CA8: variants seen among roughly 807,000 people sequenced by gnomAD.
The protein encoded by CA8 is carbonic anhydrase-related protein.
A neutral mutation model predicts 41.4 loss-of-function variants in CA8; 22 were observed. The ratio of observed to expected loss-of-function variants is 0.53; its 90% CI spans 0.38 to 0.76. The LOEUF is 0.76. Ranked by LOEUF, CA8 falls within the 30% of genes least tolerant of loss-of-function variation. The pLI is 0.00. For synonymous variants in CA8, 121 were observed against 130.6 expected (o/e 0.93, Z 0.50); for missense variants, 270 against 352.8 (o/e 0.77, Z 1.88).
At chr8:60,265,047 C>A (rs1449003042) in intron 3 of CA8, 1 of 152,040 alleles carries the variant, frequency 6.6e-6, no homozygotes, top group African/African-American at 2.4e-5. Flanking sequence ...TTACATGACA[C>A]CAAAGGGCTA....
At position 60,185,687 on chromosome 8, in the gene CA8, G is replaced by T. The variant is rs1450840484; in HGVS notation, c.*4334C>A. Among the ~76,000 whole-genome samples, 1 of 152,006 alleles carries T rather than the reference G, an allele frequency of 6.6e-6. No individual in the cohort carries two copies. Among genetic ancestry groups the T allele is most frequent in the African/African-American group, 2.4e-5 (1 of 41,400 alleles). ...CAGAAACAGAAACTTTTCACCAGGA[G>T]TTTTATATTTAGCAAAACTATCTCA... is the stretch of plus-strand genomic sequence containing the variant. On this transcript the variant is annotated 3_prime_UTR_variant, in exon 9 of 9. Coordinates refer to ENST00000317995, the MANE Select transcript of CA8 (RefSeq NM_004056.6).
chr8:60,245,419 G>A (rs1808194039), intron 3 of CA8, among the ~76,000 whole-genome samples: 1 of 152,062 alleles, frequency 6.6e-6, no homozygotes, highest in Non-Finnish European at 1.5e-5. Context: ...TATAAGTTTT[G>A]TAATTTACTT....
intron 3 of CA8, among the ~76,000 whole-genome samples, chr8:60,246,288 G>GC (rs386412868): frequency 6.6e-6 from 1 of 151,818 alleles, no homozygotes; most frequent in Non-Finnish European, 1.5e-5. Flanking sequence ...TTCTGGGGGG[G>GC]GTTGAGTTTG....
intron 8 of CA8, among the ~76,000 whole-genome samples, chr8:60,201,715 A>G (rs1236838364): frequency 1.3e-5 from 2 of 152,172 alleles, no homozygotes; most frequent in Non-Finnish European, 2.9e-5. Context: ...TCCAAGATAA[A>G]TATGACGTTC....
intron 7 of CA8, among the ~76,000 whole-genome samples, chr8:60,217,592 A>G (rs1177116770): frequency 6.6e-6 from 1 of 152,148 alleles, no homozygotes; most frequent in Non-Finnish European, 1.5e-5. Context: ...CCACCTGTAT[A>G]CCATACCCCT....
chr8:60,261,828 C>T (rs1326387756), intron 3 of CA8, among the ~76,000 whole-genome samples: 4 of 152,158 alleles, frequency 2.6e-5, no homozygotes, highest in South Asian at 2.1e-4. Context: ...TCTCCTGCCT[C>T]GGCCTCCCAA....
chr8:60,225,197 C>T (rs1807386815), intron 5 of CA8, among the ~76,000 whole-genome samples: 1 of 152,114 alleles, frequency 6.6e-6, no homozygotes, highest in Admixed American at 6.5e-5. Context: ...CAACAATTCA[C>T]ATTTAAGATC....
chr8:60,201,982 T>G (rs1333183787), intron 8 of CA8, among the ~76,000 whole-genome samples: 1 of 142,592 alleles, frequency 7.0e-6, no homozygotes, highest in Non-Finnish European at 1.5e-5. Flanking sequence ...TCCATCAGTT[T>G]CATTGGTTGT....
chr8:60,265,833 T>A (rs765932720), intron 3 of CA8, 92 bp downstream of exon 3: 1 of 1,346,754 alleles, frequency 7.4e-7, no homozygotes. Flanking sequence ...TCAAGAGCTA[T>A]GCATCTACTT....
chr8:60,280,986 G>T, intron 1 of CA8, 62 bp downstream of exon 1: 3 of 1,259,208 alleles, frequency 2.4e-6, no homozygotes, highest in East Asian at 2.3e-5. Flanking sequence ...CTCGAGTCCC[G>T]CGCTCGGCGA....
At chr8:60,261,861 G>A (rs750061112) in intron 3 of CA8, among the ~76,000 whole-genome samples, 3 of 152,062 alleles carry the variant, frequency 2.0e-5, no homozygotes, top group Admixed American at 6.5e-5. Flanking sequence ...ACAGGCGCCC[G>A]TCACCACACC....
At position 60,226,953 on chromosome 8, in the gene CA8, T is replaced by C; in HGVS notation, c.514-18A>G. 6.4e-7 allele frequency: 1 copy of C among 1,574,274 alleles called. No individual in the cohort carries two copies. Reference sequence around the variant, plus strand: ...TTTCCTATCTGAAAAACATAAAGCATAAACCACAACCACAACATTTTTCAG... The same window carrying C: ...TTTCCTATCTGAAAAACATAAAGCACAAACCACAACCACAACATTTTTCAG... On this transcript the variant is annotated intron_variant, in intron 4 of 8. Transcript: ENST00000317995.
chr8:60,261,974 TG>T (rs1214624716), intron 3 of CA8, among the ~76,000 whole-genome samples: 2 of 152,212 alleles, frequency 1.3e-5, no homozygotes, highest in African/African-American at 4.8e-5. Flanking sequence ...CCTCCCAAAG[TG>T]CTGGGATTAC....
intron 5 of CA8, 86 bp downstream of exon 5, chr8:60,226,787 C>T: frequency 2.6e-6 from 2 of 760,064 alleles, no homozygotes; most frequent in Non-Finnish European, 4.8e-6. Context: ...TCTGTGAGTC[C>T]TTCTAACACA....
intron 1 of CA8, among the ~76,000 whole-genome samples, chr8:60,280,435 T>C (rs1455160180): frequency 1.3e-5 from 2 of 152,234 alleles, no homozygotes; most frequent in Non-Finnish European, 1.5e-5. Context: ...TTTCAACATA[T>C]GTAGTAAACA....
At chr8:60,218,903 A>G (rs906983438) in intron 7 of CA8, among the ~76,000 whole-genome samples, 1 of 152,046 alleles carries the variant, frequency 6.6e-6, no homozygotes, top group Admixed American at 6.5e-5. Context: ...TGGCCCTCAC[A>G]TGCCTGCTAA....
intron 7 of CA8, among the ~76,000 whole-genome samples, chr8:60,211,458 G>A (rs746248175): frequency 6.6e-6 from 1 of 152,210 alleles, no homozygotes; most frequent in Non-Finnish European, 1.5e-5. Flanking sequence ...TCACTGAGGA[G>A]CAATGTGGGC....
intron 8 of CA8, among the ~76,000 whole-genome samples, chr8:60,197,891 T>TA (rs1004901219): frequency 2.6e-5 from 4 of 152,150 alleles, no homozygotes; most frequent in Admixed American, 6.6e-5. Context: ...AACAATTGGT[T>TA]AAAAAAATGG....
chr8:60,238,540 C>G lies in CA8; in HGVS notation c.418-6161G>C, dbSNP rs548052458. On this transcript the variant is annotated intron_variant, in intron 3 of 8. Coordinates refer to ENST00000317995, the MANE Select transcript of CA8 (RefSeq NM_004056.6). ...CACTCACACACTCTTCATAGAACTC[C>G]CCCTCCTGCCCCGCTTGCCAGGCTT... is the stretch of plus-strand genomic sequence containing the variant. Among the ~76,000 whole-genome samples, 14 of 152,180 alleles carry G rather than the reference C, an allele frequency of 9.2e-5. No individual in the cohort carries two copies. In the South Asian group the frequency reaches 2.5e-3, roughly 27 times the overall value.
Sources: allele counts gnomAD v4.1 joint callset (sites outside exome capture counted in the v4.1 genomes callset), GRCh38; gene constraint gnomAD v4.1.1; transcripts MANE v1.5; gene names NCBI Gene and HGNC (gene_info 2026-07-23, HGNC 2026-07-21).